Variants in CEP131 observed in about 807,000 individuals in gnomAD.
CEP131 encodes the protein centrosomal protein of 131 kDa.
In CEP131, 99 loss-of-function variants were observed where a neutral mutation model predicts 136.8. The ratio of observed to expected loss-of-function variants is 0.72; its 90% confidence interval spans 0.62 to 0.86. CEP131 has a LOEUF of 0.86. Among genes scored for constraint, CEP131 ranks in the 40% least tolerant of loss-of-function variants. The probability of loss-of-function intolerance (pLI) is 0.00; values close to 1 mark genes in which losing one functional copy is unlikely to be tolerated. For synonymous variants in CEP131, 646 were observed against 612.7 expected (o/e 1.05, Z -0.80); for missense variants, 1,459 against 1,463.0 (o/e 1.00, Z 0.04).
Position 81,192,391 on chromosome 17 carries a change from A to G in CEP131, c.2549T>C (p.Met850Thr), listed in dbSNP as rs754556585. Residue 850 changes from methionine to threonine, a missense_variant and splice_region_variant, in exon 21 of 26, where the codon ATG becomes ACG. This residue lies in a region of CEP131 where 1,026 missense variants were observed against 964.2 expected (regional missense o/e 1.06). Transcript: ENST00000450824. ...GREEQERRHQ[M>T]ELNTLKQQLE... ...CTGCTGCTTCAGGGTATTCAGCTCC[A>G]TCTGGGGGGCGGACATAAGAGGCCA... 6.2e-7 allele frequency: 1 copy of G among 1,608,410 alleles called. No homozygotes were observed. Among genetic ancestry groups the G allele is most frequent in the Non-Finnish European group, 8.5e-7 (1 of 1,178,546 alleles).
At chr17:81,202,877 T>C (rs1001787710) in intron 6 of CEP131, among the ~76,000 whole-genome samples, 1 of 151,582 alleles carries the variant, frequency 6.6e-6, no homozygotes, top group Admixed American at 6.6e-5. Flanking sequence ...GGCAGGAGAA[T>C]CGCTTGAACC....
rs763092389 is a variant in CEP131, at chr17:81,198,118, G to T, written c.1467C>A (p.Ser489Arg). Residue 489 changes from serine (S) to arginine (R), a missense_variant, in exon 12 of 26, where the codon AGC becomes AGA. Coordinates refer to ENST00000450824, the MANE Select transcript of CEP131 (RefSeq NM_014984.4). The stretch of plus-strand genomic sequence containing the variant: ...GGCGGGCGCACACCGTGGTCACCTC[G>T]CTGGCCCAGGCGTATCTGCCCCTGT... ...THHRGRYAWA[S>R]EEDDASSLTA... 3 of 1,560,378 alleles carry T rather than the reference G, an allele frequency of 1.9e-6. No homozygotes were observed. The highest frequency in any genetic ancestry group is 3.7e-5 in the Admixed American group (2 of 53,476).
chr17:81,192,975 C>G, intron 18 of CEP131, 132 bp from the exon 19 acceptor site: 1 of 1,403,862 alleles, frequency 7.1e-7, no homozygotes, highest in Non-Finnish European at 9.4e-7. Flanking sequence ...CTGCCCCTCC[C>G]CCTCGGCAGT....
In CEP131 at chr17:81,207,152, G is replaced by A. The variant is rs766135433; in HGVS notation, c.360C>T (p.Ser120=). The A allele has an allele frequency of 2.3e-4, 367 of 1,613,046 alleles. No individual in the cohort carries two copies. The highest frequency in any genetic ancestry group is 2.9e-4 in the Non-Finnish European group (347 of 1,179,786). The change falls in exon 4 of 26, where the codon AGC becomes AGT. Residue 120 remains serine, a synonymous_variant. Coordinates refer to ENST00000450824, the MANE Select transcript of CEP131 (RefSeq NM_014984.4). ...KRPASLSTAP[S]EKGATWNVLD... ...GGACGTTCCAGGTGGCTCCCTTCTCGCTGGGGGCTGTGCTCAGGCTGGCAG... is the reference window on the plus strand; with the variant it reads ...GGACGTTCCAGGTGGCTCCCTTCTCACTGGGGGCTGTGCTCAGGCTGGCAG...
At position 81,190,809 on chromosome 17, in the gene CEP131, G is replaced by A; in HGVS notation, c.2944-7C>T. The A allele has an allele frequency of 1.2e-6, 2 of 1,600,350 alleles. No individual in the cohort carries two copies. The highest frequency in any genetic ancestry group is 1.7e-6 in the Non-Finnish European group (2 of 1,171,280). ...TAGAAAGCTGCTCGTTCACCTGGGT[G>A]GGCACAGAAGGCAGTGAGCCGGCTG... On this transcript the variant is annotated splice_polypyrimidine_tract_variant and splice_region_variant and intron_variant, in intron 23 of 25. Coordinates refer to ENST00000450824, the MANE Select transcript of CEP131 (RefSeq NM_014984.4).
chr17:81,206,851 G>A lies in CEP131; in HGVS notation c.408C>T (p.Phe136=), dbSNP rs1292660139. The part of the protein sequence containing the change: ...WNVLDDQPRG[F]TLPSNARSSS... ...AACTCCGGGCATTGGATGGCAAGGT[G>A]AAGCCCCGGGGCTGGTCATCCTGTC... The change falls in exon 5 of 26, where the codon TTC becomes TTT. Residue 136 remains phenylalanine, a synonymous_variant. Coordinates refer to ENST00000450824, the MANE Select transcript of CEP131 (RefSeq NM_014984.4). 6.8e-6 allele frequency: 11 copies of A among 1,613,880 alleles called. No homozygotes were observed. The highest frequency in any genetic ancestry group is 9.3e-6 in the Non-Finnish European group (11 of 1,180,018).
intron 9 of CEP131, 55 bp downstream of exon 9, chr17:81,199,664 C>G (rs1277381023): frequency 2.5e-6 from 4 of 1,600,312 alleles, no homozygotes; most frequent in Non-Finnish European, 1.7e-6. Flanking sequence ...GCAGCAGCCC[C>G]GCACGGTCAG....
rs565420307 is a variant in CEP131 at position 81,191,443 on chromosome 17, C to G, written c.2623-108G>C. The G allele has an allele frequency of 1.9e-3, 1,921 of 1,035,558 alleles. 5 individuals carry two copies. The highest frequency in any genetic ancestry group is 2.2e-3 in the Non-Finnish European group (1,478 of 684,358). The allele number at this position is 1,035,558 out of a possible 1,614,324, so 64.1% of individuals were successfully genotyped here. A position where few individuals can be genotyped will look rare whatever the true frequency, so the allele number is the denominator to read the frequency against. On this transcript the variant is annotated intron_variant, in intron 21 of 25. Coordinates refer to ENST00000450824, the MANE Select transcript of CEP131 (RefSeq NM_014984.4). ...CTCCAGGCTCTGAGCCACAGGGGAG[C>G]AAGGGGCCTTCCCCCTCTCCAGACC...
intron 5 of CEP131, among the ~76,000 whole-genome samples, chr17:81,204,565 CA>C (rs1421558372): frequency 1.3e-5 from 2 of 152,182 alleles, no homozygotes; most frequent in African/African-American, 2.4e-5. Flanking sequence ...TCCCTTTTAA[CA>C]AGAACCACCA....
Position 81,222,806 on chromosome 17 carries a change from GC to G in CEP131, c.-56del, listed in dbSNP as rs1440075241. The G allele has an allele frequency of 6.6e-6, 1 of 152,272 alleles. No homozygotes were observed. The highest frequency in any genetic ancestry group is 2.4e-5 in the African/African-American group (1 of 41,458). 9.4% of individuals were successfully genotyped at this position (152,272 alleles called of 1,614,324 possible). ...GGGGCGCAGCCGCGAAGCCTGCCTG[GC>G]GCGCGGGGCCTGCAGATTCGGCCGG... On this transcript the variant is annotated 5_prime_UTR_variant, in exon 1 of 26. Coordinates refer to ENST00000450824, the MANE Select transcript of CEP131 (RefSeq NM_014984.4).
chr17:81,197,028 G>A lies in CEP131; in HGVS notation c.1675C>T (p.Pro559Ser). The change falls in exon 14 of 26, where the codon CCC becomes TCC. Residue 559 changes from proline to serine, a missense_variant. Transcript: ENST00000450824. ...EGWVPEAGPG[P>S]LELGSEVSTS... ...CTCACCTCGGACCCCAGCTCCAGGG[G>A]CCCCGGCCCCGCCTCCGGCACCCAC... The A allele has an allele frequency of 6.3e-7, 1 of 1,589,488 alleles. No homozygotes were observed. The highest frequency in any genetic ancestry group is 8.6e-7 in the Non-Finnish European group (1 of 1,168,270).
chr17:81,205,140 TCCCAGCTA>T (rs1450729953), intron 5 of CEP131, among the ~76,000 whole-genome samples: 3 of 151,456 alleles, frequency 2.0e-5, no homozygotes, highest in Non-Finnish European at 4.4e-5. Flanking sequence ...ACGCCTGTAG[TCCCAGCTA>T]CCCAGGAGGC....
rs1390407697 is a variant in CEP131, at chr17:81,203,837, G to C, written c.516-230C>G. ...GACCAGGGGCTCCCACGGGGCAGGG[G>C]ATAGAATCGAGGCATGAACGCTGGA... On this transcript the variant is annotated intron_variant, in intron 5 of 25. Transcript: ENST00000450824. The surrounding 1 kb of genome is among the most constrained non-coding windows in gnomAD (Gnocchi z 4.6). 1.8e-6 allele frequency: 1 copy of C among 541,696 alleles called. No homozygotes were observed. The highest frequency in any genetic ancestry group is 3.3e-6 in the Non-Finnish European group (1 of 302,490). The allele number at this position is 541,696 out of a possible 1,614,324, so 33.6% of individuals were successfully genotyped here.
chr17:81,189,734 C>T lies in CEP131; in HGVS notation c.*35G>A, dbSNP rs745306565. On this transcript the variant is annotated 3_prime_UTR_variant, in exon 26 of 26. Transcript: ENST00000450824. ...CCCACGTCCAGCCTCTGTCCTCTGC[C>T]TTCCGTTCTTCGACAGTGTTCCCGG... is the stretch of plus-strand genomic sequence containing the variant. 1.9e-5 allele frequency: 29 copies of T among 1,562,226 alleles called. No individual in the cohort carries two copies. In the Middle Eastern group the frequency reaches 6.9e-4, roughly 37 times the overall value.
chr17:81,202,964 C>A lies in CEP131; in HGVS notation c.629+530G>T, dbSNP rs569317703. On this transcript the variant is annotated intron_variant, in intron 6 of 25. Transcript: ENST00000450824. ...GGGCAACAAGAATGAAACTCCATTTCAAAAAAAAAAAAAATTCCATTGAGA... is the reference window on the plus strand; with the variant it reads ...GGGCAACAAGAATGAAACTCCATTTAAAAAAAAAAAAAAATTCCATTGAGA... Among the ~76,000 whole-genome samples, 158 of 111,438 alleles carry A rather than the reference C, an allele frequency of 1.4e-3. 2 individuals are homozygous for A. In the South Asian group the frequency reaches 0.037, roughly 26 times the overall value. 73.1% of individuals were successfully genotyped at this position (111,438 alleles called of 152,430 possible). A position where few individuals can be genotyped will look rare whatever the true frequency, so the allele number is the denominator to read the frequency against.
Position 81,203,173 on chromosome 17 carries a change from C to A in CEP131, c.629+321G>T, listed in dbSNP as rs1477903416. On this transcript the variant is annotated intron_variant, in intron 6 of 25. Coordinates refer to ENST00000450824, the MANE Select transcript of CEP131 (RefSeq NM_014984.4). The surrounding 1 kb of genome is among the most constrained non-coding windows in gnomAD (Gnocchi z 4.6). ...CTTGGCTTCCTCCTGGGGGCCCCAC[C>A]TCAGGGTGAGCCCCAGACCTCACTG... 6.6e-6 allele frequency among the ~76,000 whole-genome samples: 1 copy of A among 152,112 alleles called. No homozygotes were observed. The highest frequency in any genetic ancestry group is 1.5e-5 in the Non-Finnish European group (1 of 68,016).
Position 81,194,434 on chromosome 17 carries a change from C to T in CEP131, c.2120-307G>A, listed in dbSNP as rs923800919. 5.9e-5 allele frequency among the ~76,000 whole-genome samples: 9 copies of T among 152,338 alleles called. No homozygotes were observed. In the East Asian group the frequency reaches 1.5e-3, roughly 26 times the overall value. ...GAGGACCAGGCCTCGGGGAGCCCTG[C>T]ACATCACCCAAGGGTCCGAGGCCCC... On this transcript the variant is annotated intron_variant, in intron 17 of 25. Coordinates refer to ENST00000450824, the MANE Select transcript of CEP131 (RefSeq NM_014984.4).
chr17:81,216,195 A>C (rs1461349234), intron 2 of CEP131, among the ~76,000 whole-genome samples: 1 of 152,150 alleles, frequency 6.6e-6, no homozygotes, highest in African/African-American at 2.4e-5. Flanking sequence ...CCCCGTCGCT[A>C]CTAAAAATAC....
chr17:81,199,328 T>G, intron 10 of CEP131, 53 bp downstream of exon 10: 1 of 1,520,166 alleles, frequency 6.6e-7, no homozygotes, highest in Non-Finnish European at 8.8e-7. Context: ...CTGCACTTCC[T>G]TCCTGGCTGC....
Sources: allele counts gnomAD v4.1 joint callset (sites outside exome capture counted in the v4.1 genomes callset), GRCh38; gene constraint gnomAD v4.1.1; regional missense constraint gnomAD v4.1.1; non-coding constraint Gnocchi (gnomAD v3.1); transcripts MANE v1.5; gene names NCBI Gene and HGNC (gene_info 2026-07-23, HGNC 2026-07-21).